Variants in COG5 observed in about 807,000 individuals in gnomAD.
COG5 encodes conserved oligomeric Golgi complex subunit 5.
In COG5, 86 loss-of-function variants were observed where a neutral mutation model predicts 110.4. The observed-to-expected ratio is 0.78, with a 90% CI of 0.65 to 0.93. The LOEUF is 0.93. Ranked by LOEUF, COG5 falls within the 40% of genes least tolerant of loss-of-function variation. The probability of loss-of-function intolerance (pLI) is 0.00; values close to 1 mark genes in which losing one functional copy is unlikely to be tolerated. For synonymous variants in COG5, 360 were observed against 334.6 expected (o/e 1.08, Z -0.83); for missense variants, 1,077 against 987.0 (o/e 1.09, Z -1.22).
intron 19 of COG5, among the ~76,000 whole-genome samples, chr7:107,219,387 T>C (rs1361193149): frequency 6.6e-6 from 1 of 152,200 alleles, no homozygotes; most frequent in Non-Finnish European, 1.5e-5. Flanking sequence ...GCGCACTTCA[T>C]GCTCAATGCA....
At chr7:107,389,208 AC>A (rs1409728297) in intron 7 of COG5, among the ~76,000 whole-genome samples, 2 of 151,184 alleles carry the variant, frequency 1.3e-5, no homozygotes, top group Non-Finnish European at 2.9e-5. Context: ...GGATAGATTT[AC>A]CCCCAGTGGG....
At chr7:107,275,314 G>A (rs546351306) in intron 14 of COG5, among the ~76,000 whole-genome samples, 1 of 151,696 alleles carries the variant, frequency 6.6e-6, no homozygotes, top group Admixed American at 6.6e-5. Flanking sequence ...GGATCAAGAG[G>A]CTAGCTAGGT....
intron 10 of COG5, among the ~76,000 whole-genome samples, chr7:107,324,982 T>C (rs1413110719): frequency 6.6e-6 from 1 of 152,168 alleles, no homozygotes; most frequent in Non-Finnish European, 1.5e-5. Context: ...AACAAAATGA[T>C]AGACAAAAGC....
At chr7:107,249,567 T>C (rs931008381) in intron 16 of COG5, among the ~76,000 whole-genome samples, 1 of 152,040 alleles carries the variant, frequency 6.6e-6, no homozygotes, top group Non-Finnish European at 1.5e-5. Context: ...TGAAGATAGA[T>C]AGTTTTGGCT....
At chr7:107,485,268 A>G in intron 6 of COG5, among the ~76,000 whole-genome samples, 1 of 152,292 alleles carries the variant, frequency 6.6e-6, no homozygotes, top group East Asian at 1.9e-4. Context: ...ACTTTCATTA[A>G]CTAATTTTAA....
intron 12 of COG5, among the ~76,000 whole-genome samples, chr7:107,287,842 T>C (rs1805773757): frequency 6.6e-6 from 1 of 152,226 alleles, no homozygotes; most frequent in Non-Finnish European, 1.5e-5. Flanking sequence ...TTTCTTTTTA[T>C]GGCTAATATT....
At chr7:107,369,474 C>T (rs764515894) in intron 8 of COG5, among the ~76,000 whole-genome samples, 12 of 151,348 alleles carry the variant, frequency 7.9e-5, no homozygotes, top group Non-Finnish European at 1.2e-4. Flanking sequence ...GCAACCTCTC[C>T]CTCCCAGGTT....
intron 6 of COG5, among the ~76,000 whole-genome samples, chr7:107,525,382 G>C (rs1800655879): frequency 6.6e-6 from 1 of 151,922 alleles, no homozygotes; most frequent in Non-Finnish European, 1.5e-5. Context: ...ATAAGCCTTG[G>C]AATAATATGC....
At chr7:107,287,914 T>C (rs1428656293) in intron 12 of COG5, among the ~76,000 whole-genome samples, 1 of 152,250 alleles carries the variant, frequency 6.6e-6, no homozygotes, top group African/African-American at 2.4e-5. Context: ...TACCCATTTG[T>C]CTGTTGACAG....
At chr7:107,452,404 C>A (rs1201383262) in intron 6 of COG5, among the ~76,000 whole-genome samples, 2 of 152,162 alleles carry the variant, frequency 1.3e-5, no homozygotes, top group East Asian at 3.9e-4. Flanking sequence ...TGCATCCCCA[C>A]CCAAATCTCA....
intron 5 of COG5, among the ~76,000 whole-genome samples, chr7:107,544,836 T>C (rs1308277736): frequency 4.6e-5 from 7 of 152,188 alleles, no homozygotes; most frequent in East Asian, 3.8e-4. Context: ...AAAATAATCA[T>C]CTTTTAAAAA....
At chr7:107,400,793 A>G (rs1369079352) in intron 7 of COG5, among the ~76,000 whole-genome samples, 1 of 152,160 alleles carries the variant, frequency 6.6e-6, no homozygotes, top group Non-Finnish European at 1.5e-5. Context: ...ATTGTTCACA[A>G]CAAGAGAATT....
chr7:107,443,944 A>C (rs1439852193), intron 6 of COG5, among the ~76,000 whole-genome samples: 44 of 152,210 alleles, frequency 2.9e-4, no homozygotes, highest in Admixed American at 2.9e-3. Flanking sequence ...TGTTTGTAGG[A>C]ATCTACAGAT....
At chr7:107,481,891 C>T (rs974044828) in intron 6 of COG5, among the ~76,000 whole-genome samples, 11 of 152,070 alleles carry the variant, frequency 7.2e-5, no homozygotes, top group African/African-American at 2.7e-4. Flanking sequence ...CTTTATACTG[C>T]TTTTATAATG....
chr7:107,363,117 A>G (rs924953782), intron 8 of COG5, among the ~76,000 whole-genome samples: 2 of 152,226 alleles, frequency 1.3e-5, no homozygotes, highest in African/African-American at 4.8e-5. Context: ...ATAAAGACAC[A>G]AATACGTAAC....
chr7:107,424,313 T>A (rs1438252987), intron 6 of COG5, among the ~76,000 whole-genome samples: 1 of 151,942 alleles, frequency 6.6e-6, no homozygotes, highest in Non-Finnish European at 1.5e-5. Flanking sequence ...GGTTGGTGGT[T>A]CCCTGGGGCC....
intron 6 of COG5, among the ~76,000 whole-genome samples, chr7:107,481,489 T>C (rs1379135128): frequency 6.6e-6 from 1 of 152,096 alleles, no homozygotes; most frequent in Non-Finnish European, 1.5e-5. Context: ...AATTATATAT[T>C]AACATATTTA....
intron 18 of COG5, among the ~76,000 whole-genome samples, chr7:107,233,005 T>C (rs1294984740): frequency 6.6e-6 from 1 of 152,210 alleles, no homozygotes; most frequent in Non-Finnish European, 1.5e-5. Context: ...GCAATAGGAA[T>C]TAGAACAAAA....
At chr7:107,313,435 C>T (rs1010103705) in intron 11 of COG5, among the ~76,000 whole-genome samples, 9 of 152,042 alleles carry the variant, frequency 5.9e-5, no homozygotes, top group Non-Finnish European at 1.3e-4. Context: ...TAAATGAGTA[C>T]CACCATGTTG....
Sources: allele counts gnomAD v4.1 joint callset (sites outside exome capture counted in the v4.1 genomes callset), GRCh38; gene constraint gnomAD v4.1.1; transcripts MANE v1.5; gene names NCBI Gene and HGNC (gene_info 2026-07-23, HGNC 2026-07-21).